The following MVP variants were observed in gnomAD, a reference collection of about 807,000 sequenced individuals.
MVP encodes major vault protein.
Under a neutral mutation model 83.5 loss-of-function variants are expected in MVP, and 62 were observed. The ratio of observed to expected loss-of-function variants is 0.74; its 90% CI spans 0.61 to 0.92. The LOEUF is 0.92. MVP is among the 40% of genes least tolerant of loss of function. MVP has a pLI of 0.00. For missense variants in MVP, 1,000 were observed against 1,203.4 expected, an observed-to-expected ratio of 0.83 and a Z score of 2.50; for synonymous variants, 505 against 504.1, an observed-to-expected ratio of 1.00 and a Z score of -0.02.
chr16:29,841,957 G>A lies in MVP; in HGVS notation c.1479G>A (p.Glu493=). ...AGCTGGTGTCGCTGGGTCCTGAGGA[G>A]CAGTTCACAGTGTTGTCCCTCTCAG... is the stretch of plus-strand genomic sequence containing the variant. ...GPELVSLGPE[E]QFTVLSLSAG... Residue 493 remains glutamate, a synonymous_variant, in exon 10 of 15, where the codon GAG becomes GAA. Transcript: ENST00000357402. The surrounding 1 kb of genome is among the most constrained non-coding windows in gnomAD (Gnocchi z 4.7). The A allele has an allele frequency of 2.5e-6, 4 of 1,612,860 alleles. No individual in the cohort carries two copies. Among genetic ancestry groups the A allele is most frequent in the Non-Finnish European group, 3.4e-6 (4 of 1,180,028 alleles).
At chr16:29,827,385 G>A (rs79853275) in intron 1 of MVP, among the ~76,000 whole-genome samples, 2,884 of 152,238 alleles carry the variant, frequency 0.019, 91 homozygotes, top group African/African-American at 0.067. Context: ...GTGAAAACAC[G>A]AAAGCAGCCG....
chr16:29,834,774 C>T (rs1036243257), intron 5 of MVP: 15 of 151,716 alleles, frequency 9.9e-5, no homozygotes, highest in African/African-American at 3.6e-4. Context: ...CAAGCTCCGC[C>T]TCCTGGGTTC....
At chr16:29,827,012 TGTG>T (rs1283878998) in intron 1 of MVP, among the ~76,000 whole-genome samples, 2 of 151,498 alleles carry the variant, frequency 1.3e-5, no homozygotes, top group Admixed American at 6.6e-5. Context: ...AGCCCCGTAT[TGTG>T]GAGCAACTGG....
intron 1 of MVP, chr16:29,820,788 T>C (rs1220136839): frequency 2.0e-5 from 3 of 152,330 alleles, no homozygotes; most frequent in Non-Finnish European, 2.9e-5. Context: ...TCTCTCTGAC[T>C]TCAGGGTCCC....
intron 13 of MVP, 28 bp downstream of exon 13, chr16:29,846,312 G>T: frequency 6.5e-7 from 1 of 1,542,112 alleles, no homozygotes; most frequent in Non-Finnish European, 8.8e-7. Flanking sequence ...TTAAGAAGAG[G>T]GTGGCCTTGA....
At chr16:29,837,795 G>A (rs2067500666) in intron 7 of MVP, among the ~76,000 whole-genome samples, 1 of 152,032 alleles carries the variant, frequency 6.6e-6, no homozygotes, top group Non-Finnish European at 1.5e-5. Context: ...ACCACCATGT[G>A]CAGTCTGTAA....
chr16:29,831,691 A>T, intron 3 of MVP: 1 of 456,140 alleles, frequency 2.2e-6, no homozygotes, highest in Non-Finnish European at 4.4e-6. Context: ...ATTAAATGAC[A>T]TGTGCCAAGG....
In MVP at chr16:29,847,890, G is replaced by C; in HGVS notation, c.2583G>C (p.Arg861Ser). The C allele has an allele frequency of 1.2e-6, 2 of 1,614,050 alleles. No individual in the cohort carries two copies. Among genetic ancestry groups the C allele is most frequent in the Non-Finnish European group, 8.5e-7 (1 of 1,179,910 alleles). ...CCGAGGGTCAGCCCCTGGGCAGAAG[G>C]GTGGCCAGTGGGCCCAGCCCTGGGG... ...MGPEGQPLGR[R>S]VASGPSPGEG... Residue 861 changes from arginine (R) to serine (S), a missense_variant, in exon 15 of 15, where the codon AGG becomes AGC. By Grantham distance (110) the Arg-to-Ser change is moderately radical. Coordinates refer to ENST00000357402, the MANE Select transcript of MVP (RefSeq NM_005115.5).
intron 7 of MVP, 91 bp from the exon 8 acceptor site, chr16:29,840,087 C>T: frequency 7.3e-7 from 1 of 1,378,552 alleles, no homozygotes; most frequent in Non-Finnish European, 9.9e-7. Flanking sequence ...GTCCTCCACA[C>T]AGGCCTGAAA....
At chr16:29,846,716 G>C (rs1291728391) in intron 13 of MVP, among the ~76,000 whole-genome samples, 1 of 152,128 alleles carries the variant, frequency 6.6e-6, no homozygotes, top group Non-Finnish European at 1.5e-5. Context: ...AAAATTAGCT[G>C]GGTATGGTGG....
intron 1 of MVP, among the ~76,000 whole-genome samples, chr16:29,824,237 A>AC: frequency 6.7e-6 from 1 of 149,732 alleles, no homozygotes; most frequent in African/African-American, 2.5e-5. Context: ...AAAAAAAAAA[A>AC]AAAACAGATT....
At position 29,840,325 on chromosome 16, in the gene MVP, G is replaced by T; in HGVS notation, c.1057G>T (p.Ala353Ser). Residue 353 changes from alanine (A) to serine (S), a missense_variant, in exon 8 of 15, where the codon GCT (alanine) becomes TCT (serine). Ala to Ser is a moderately conservative substitution (Grantham distance 99). Transcript: ENST00000357402. ...GEDEEKVSHQ[A>S]GDHWLIRGPL... Reference sequence around the variant, plus strand: ...GGATGAGGAGAAGGTCTCACACCAGGCTGGGGACCACTGGCTCATCCGCGG... The same window carrying T: ...GGATGAGGAGAAGGTCTCACACCAGTCTGGGGACCACTGGCTCATCCGCGG... The T allele has an allele frequency of 1.2e-6, 2 of 1,612,486 alleles. No individual in the cohort carries two copies. Among genetic ancestry groups the T allele is most frequent in the Non-Finnish European group, 1.7e-6 (2 of 1,179,370 alleles).
In MVP at chr16:29,835,791, C is replaced by T. The variant is rs796505619; in HGVS notation, c.665C>T (p.Thr222Met). ...GATTTGGTGGACGCCGTCATCCTTA[C>T]GGAAAAGGTTGGTGCTCTGGGGGCT... ...VLDLVDAVIL[T>M]EKTALHLRAR... Residue 222 changes from threonine (T) to methionine (M), a missense_variant, in exon 6 of 15, where the codon ACG becomes ATG. By Grantham distance (81) the Thr-to-Met change is moderately conservative. Coordinates refer to ENST00000357402, the MANE Select transcript of MVP (RefSeq NM_005115.5). The T allele has an allele frequency of 3.1e-6, 5 of 1,613,466 alleles. No individual in the cohort carries two copies. The highest frequency in any genetic ancestry group is 1.7e-4 in the Middle Eastern group (1 of 6,016).
At position 29,830,655 on chromosome 16, in the gene MVP, A is replaced by T. The variant is rs1322126469; in HGVS notation, c.106A>T (p.Ile36Phe). The T allele has an allele frequency of 6.2e-7, 1 of 1,613,846 alleles. No individual in the cohort carries two copies. The highest frequency in any genetic ancestry group is 8.5e-7 in the Non-Finnish European group (1 of 1,179,976). Reference protein sequence around the residue: ...SRVEVGPKTYIRQDNERVLFA... With the variant: ...SRVEVGPKTYFRQDNERVLFA... The stretch of plus-strand genomic sequence containing the variant: ...TGTGGAGGTCGGGCCAAAGACCTAC[A>T]TCCGGCAGGACAATGAGAGGTGGGT... The change falls in exon 2 of 15, where the codon ATC becomes TTC. Residue 36 changes from isoleucine to phenylalanine, a missense_variant. By Grantham distance (21) the Ile-to-Phe change is conservative. Transcript: ENST00000357402.
At chr16:29,845,710 C>T (rs970346484) in intron 11 of MVP, among the ~76,000 whole-genome samples, 153 bp from the exon 12 acceptor site, 8 of 152,174 alleles carry the variant, frequency 5.3e-5, no homozygotes, top group African/African-American at 1.4e-4. Context: ...GCTTGTGGCG[C>T]GTATACCATT....
chr16:29,830,831 T>C, intron 2 of MVP, 47 bp from the exon 3 acceptor site: 2 of 1,589,846 alleles, frequency 1.3e-6, no homozygotes, highest in Non-Finnish European at 1.7e-6. Flanking sequence ...TCTTTGGTAG[T>C]GGAGACCTGG....
rs972835937 is a variant in MVP, at chr16:29,834,065, A to G, written c.576A>G (p.Thr192=). Residue 192 remains threonine (T), a splice_region_variant and synonymous_variant, in exon 5 of 15, where the codon ACA becomes ACG. Coordinates refer to ENST00000357402, the MANE Select transcript of MVP (RefSeq NM_005115.5). ...CWDRDGKERV[T]GEEWLVTTVG... ...ACCGGGACGGCAAGGAGAGGGTGAC[A>G]GGTGGGGTCACCAAGGGGCGATGAT... 5.0e-6 allele frequency: 8 copies of G among 1,613,080 alleles called. No individual in the cohort carries two copies. The highest frequency in any genetic ancestry group is 1.7e-5 in the Admixed American group (1 of 59,920).
In MVP at chr16:29,841,626, C is replaced by T. The variant is rs368758258; in HGVS notation, c.1222C>T (p.Leu408=). The part of the protein sequence containing the change: ...VRAVIGSTYM[L]TQDEVLWEKE... ...CGCTGTGATTGGAAGCACCTACATG[C>T]TGACCCAGGACGAAGTCCTGTGGGA... The change falls in exon 9 of 15, where the codon CTG becomes TTG. Residue 408 remains leucine, a synonymous_variant. Coordinates refer to ENST00000357402, the MANE Select transcript of MVP (RefSeq NM_005115.5). This position sits in a 1 kb window ranked among gnomAD's most constrained non-coding sequence, Gnocchi z 4.7. 1 of 1,610,662 alleles carries T rather than the reference C, an allele frequency of 6.2e-7. No homozygotes were observed. Among genetic ancestry groups the T allele is most frequent in the South Asian group, 1.1e-5 (1 of 90,908 alleles).
At position 29,841,059 on chromosome 16, in the gene MVP, C is replaced by A. The variant is rs376306633; in HGVS notation, c.1192-537C>A. On this transcript the variant is annotated intron_variant, in intron 8 of 14. Transcript: ENST00000357402. This position sits in a 1 kb window ranked among gnomAD's most constrained non-coding sequence, Gnocchi z 4.7. ...TGGGGTGGCCAGGGAACAGGAAGGACCTCCTCCCTCATGCCCATATCCCGG... is the reference window on the plus strand; with the variant it reads ...TGGGGTGGCCAGGGAACAGGAAGGAACTCCTCCCTCATGCCCATATCCCGG... Among the ~76,000 whole-genome samples the A allele has an allele frequency of 6.6e-6, 1 of 151,996 alleles. No individual in the cohort carries two copies. The highest frequency in any genetic ancestry group is 6.6e-5 in the Admixed American group (1 of 15,232).
Sources: gnomAD v4.1 joint callset for allele counts (sites outside exome capture counted in the v4.1 genomes callset) on GRCh38, gnomAD v4.1.1 for gene constraint, Gnocchi (gnomAD v3.1) non-coding constraint, MANE v1.5 for transcripts, NCBI Gene and HGNC (gene_info 2026-07-23, HGNC 2026-07-21) for gene names.